The following PDCD11 variants were observed in gnomAD, a reference collection of about 807,000 sequenced individuals.
The protein encoded by PDCD11 is programmed cell death 11, also known as protein RRP5 homolog.
PDCD11 carries 97 observed loss-of-function variants against 198.9 expected under a neutral mutation model. The observed-to-expected ratio is 0.49, with a 90% CI of 0.41 to 0.58. The LOEUF (loss-of-function observed/expected upper bound fraction) is 0.58. Ranked by LOEUF, PDCD11 falls within the 20% of genes least tolerant of loss-of-function variation. The pLI is 0.00. For missense variants in PDCD11, 2,102 were observed against 2,312.7 expected, an observed-to-expected ratio of 0.91 and a Z score of 1.87; for synonymous variants, 893 against 918.0, an observed-to-expected ratio of 0.97 and a Z score of 0.49.
intron 30 of PDCD11, among the ~76,000 whole-genome samples, 182 bp downstream of exon 30, chr10:103,441,032 T>C (rs759453518): frequency 6.6e-6 from 1 of 152,162 alleles, no homozygotes; most frequent in Non-Finnish European, 1.5e-5. Context: ...GCAGGCTGCA[T>C]AAAATAAATT....
chr10:103,439,478 C>CAGGGA (rs2032287125), intron 27 of PDCD11, among the ~76,000 whole-genome samples: 2 of 152,194 alleles, frequency 1.3e-5, no homozygotes, highest in Non-Finnish European at 2.9e-5. Context: ...CCCTGCCATG[C>CAGGGA]TGTTTCTGCA....
rs2032406241 is a variant in PDCD11, at chr10:103,442,048, A to T, written c.4707+73A>T. 31 of 1,585,540 alleles carry T rather than the reference A, an allele frequency of 2.0e-5. No homozygotes were observed. The South Asian group carries it at 3.2e-4, about 16-fold the overall frequency. On this transcript the variant is annotated intron_variant, in intron 31 of 35. Transcript: ENST00000369797. ...TCAGTCTCTTGTGCTCTGTTCCTAG[A>T]CTGGGTGTCTTCCTGGGTGAGTGGG...
rs1231896341 is a variant in PDCD11 at position 103,403,121 on chromosome 10, C to T, written c.238C>T (p.Leu80=). Residue 80 remains leucine (L), a synonymous_variant, in exon 4 of 36, where the codon CTG becomes TTG. Transcript: ENST00000369797. ...EKFEILSVES[L]CEGMRILGCV... ...CATTTCACTTTTTCTCTTCTAGTCC[C>T]TGTGTGAGGGAATGCGTATTTTGGG... 8 of 1,613,932 alleles carry T rather than the reference C, an allele frequency of 5.0e-6. No homozygotes were observed. The South Asian group carries it at 7.7e-5, about 16-fold the overall frequency.
intron 25 of PDCD11, 120 bp downstream of exon 25, chr10:103,435,095 A>C: frequency 1.5e-6 from 1 of 666,916 alleles, no homozygotes; most frequent in Non-Finnish European, 2.2e-6. Flanking sequence ...GAAAATGAAA[A>C]TTTCTGTAAC....
Position 103,440,394 on chromosome 10 carries a change from AG to A in PDCD11, c.4255del (p.Glu1419ArgfsTer65). On this transcript the variant is annotated frameshift_variant, in exon 29 of 36. Transcript: ENST00000369797. LOFTEE classifies it high-confidence loss of function. ...ASLEGQLTKQ[E>X]ERKTEAEERD... is the part of the protein sequence containing the mutation. The stretch of plus-strand genomic sequence containing the variant: ...TTGGAAGGGCAACTTACAAAGCAAG[AG>A]GAGAGGAAAACAGAGGCTGAGGAGA... The A allele has an allele frequency of 3.7e-6, 6 of 1,614,268 alleles. No homozygotes were observed. Among genetic ancestry groups the A allele is most frequent in the Non-Finnish European group, 5.1e-6 (6 of 1,180,048 alleles).
At chr10:103,409,672 T>C in intron 7 of PDCD11, 27 bp from the exon 8 acceptor site, 1 of 1,563,820 alleles carries the variant, frequency 6.4e-7, no homozygotes, top group Non-Finnish European at 8.8e-7. Flanking sequence ...AGAACTTTTT[T>C]TTATAACTTG....
At chr10:103,402,873 A>G (rs955257947) in intron 3 of PDCD11, among the ~76,000 whole-genome samples, 2 of 152,088 alleles carry the variant, frequency 1.3e-5, no homozygotes, top group African/African-American at 4.8e-5. Context: ...ACCTGCGACT[A>G]CAGGCGTGTA....
Position 103,396,635 on chromosome 10 carries a change from GA to G in PDCD11, c.-105del, listed in dbSNP as rs1170695711. 4 of 152,272 alleles carry G rather than the reference GA, an allele frequency of 2.6e-5. No homozygotes were observed. The highest frequency in any genetic ancestry group is 5.9e-5 in the Non-Finnish European group (4 of 68,084). The allele number at this position is 152,272 out of a possible 1,614,324, so 9.4% of individuals were successfully genotyped here. On this transcript the variant is annotated 5_prime_UTR_variant, in exon 1 of 36. Transcript: ENST00000369797. The stretch of plus-strand genomic sequence containing the variant: ...GGTGTTGAGCCCGCCCACACTTCCG[GA>G]AGAATTGCACTGGACTGTGGGTATC...
chr10:103,397,103 T>C (rs1297116753), intron 1 of PDCD11, among the ~76,000 whole-genome samples: 2 of 152,210 alleles, frequency 1.3e-5, no homozygotes, highest in East Asian at 3.8e-4. Flanking sequence ...AAAGCCCTTG[T>C]AGAGTCTTAT....
chr10:103,414,531 C>T (rs2030993059), intron 11 of PDCD11, among the ~76,000 whole-genome samples: 1 of 151,992 alleles, frequency 6.6e-6, no homozygotes, highest in African/African-American at 2.4e-5. Context: ...CTAGCACCAC[C>T]CAGCTACACA....
intron 12 of PDCD11, among the ~76,000 whole-genome samples, chr10:103,416,232 A>T (rs1362453047): frequency 3.3e-5 from 5 of 152,200 alleles, no homozygotes; most frequent in African/African-American, 7.2e-5. Flanking sequence ...AGGTGATGTA[A>T]GATAATTAAT....
Position 103,433,822 on chromosome 10 carries a change from G to C in PDCD11, c.3475-126G>C, listed in dbSNP as rs1484674555. The C allele has an allele frequency of 5.7e-6, 4 of 703,096 alleles. No individual in the cohort carries two copies. The East Asian group carries it at 1.0e-4, about 18-fold the overall frequency. The allele number at this position is 703,096 out of a possible 1,614,324, so 43.6% of individuals were successfully genotyped here. A position where few individuals can be genotyped will look rare whatever the true frequency, so the allele number is the denominator to read the frequency against. On this transcript the variant is annotated intron_variant, in intron 22 of 35. Transcript: ENST00000369797. ...GTTGGGCAAGGGCAGTGGGATGGAA[G>C]GGTGGATTCCTGTCTCTTGGAAAAG...
rs1177051760 is a variant in PDCD11 at position 103,413,329 on chromosome 10, A to G, written c.1185+7A>G. On this transcript the variant is annotated splice_region_variant and intron_variant, in intron 9 of 35. Transcript: ENST00000369797. ...GGTTCTGGCCTATGCCCGGGTAAGG[A>G]GGCCTCTTTGTTTGGTCAGGGATCT... 1.2e-6 allele frequency: 2 copies of G among 1,612,364 alleles called. No homozygotes were observed. The highest frequency in any genetic ancestry group is 3.3e-5 in the Admixed American group (2 of 59,970).
intron 17 of PDCD11, among the ~76,000 whole-genome samples, chr10:103,422,145 G>T (rs920501126): frequency 3.3e-5 from 5 of 149,508 alleles, no homozygotes; most frequent in Non-Finnish European, 5.9e-5. Context: ...GTGGTGGTGC[G>T]ATCTTGGCCA....
chr10:103,410,677 C>T (rs1416875905), intron 8 of PDCD11, among the ~76,000 whole-genome samples: 5 of 149,556 alleles, frequency 3.3e-5, no homozygotes, highest in South Asian at 2.1e-4. Context: ...GGCGCAAACA[C>T]GGCTCACTGC....
Position 103,423,117 on chromosome 10 carries a change from C to G in PDCD11, c.2627C>G (p.Ala876Gly). ...CCAGTGCCCGACCTGGTCCTGAAAG[C>G]CAGCAGATACCATCGCGCAGGTGAG... The part of the protein sequence containing the change: ...GGPVPDLVLK[A>G]SRYHRAGQEV... The change falls in exon 18 of 36, where the codon GCC becomes GGC. Residue 876 changes from alanine to glycine, a missense_variant. Physicochemically the swap from Ala to Gly is moderately conservative, Grantham distance 60. Transcript: ENST00000369797. 2 of 1,585,314 alleles carry G rather than the reference C, an allele frequency of 1.3e-6. No individual in the cohort carries two copies. The highest frequency in any genetic ancestry group is 2.7e-5 in the African/African-American group (2 of 73,688).
chr10:103,445,612 T>C lies in PDCD11; in HGVS notation c.*63T>C, dbSNP rs2032577855. 5.6e-6 allele frequency: 8 copies of C among 1,434,624 alleles called. No individual in the cohort carries two copies. Among genetic ancestry groups the C allele is most frequent in the Non-Finnish European group, 6.7e-6 (7 of 1,037,176 alleles). The allele number at this position is 1,434,624 out of a possible 1,614,324, so 88.9% of individuals were successfully genotyped here. A position where few individuals can be genotyped will look rare whatever the true frequency, so the allele number is the denominator to read the frequency against. On this transcript the variant is annotated 3_prime_UTR_variant, in exon 36 of 36. Coordinates refer to ENST00000369797, the MANE Select transcript of PDCD11 (RefSeq NM_014976.2). ...CCAGCCCGGCCCCGCCTCGAGTGCCTGGGCACTCGGAAAACTGTTACCTCA... is the reference window on the plus strand; with the variant it reads ...CCAGCCCGGCCCCGCCTCGAGTGCCCGGGCACTCGGAAAACTGTTACCTCA...
intron 32 of PDCD11, 95 bp downstream of exon 32, chr10:103,442,555 A>G: frequency 1.4e-6 from 2 of 1,453,958 alleles, no homozygotes; most frequent in Non-Finnish European, 1.9e-6. Flanking sequence ...GCAGGCCGGC[A>G]GCATTTTGGG....
In PDCD11 at chr10:103,442,961, C is replaced by T. The variant is rs370808388; in HGVS notation, c.4956-204C>T. On this transcript the variant is annotated intron_variant, in intron 32 of 35. Coordinates refer to ENST00000369797, the MANE Select transcript of PDCD11 (RefSeq NM_014976.2). The stretch of plus-strand genomic sequence containing the variant: ...ATGGAGGCAGAATCCAGGAGAGCCT[C>T]AGACTCAGCCATTGGGGTTGGGGCA... Among the ~76,000 whole-genome samples the T allele has an allele frequency of 4.6e-5, 7 of 152,182 alleles. No homozygotes were observed. In the East Asian group the frequency reaches 1.3e-3, roughly 29 times the overall value.
Sources: allele counts gnomAD v4.1 joint callset (sites outside exome capture counted in the v4.1 genomes callset), GRCh38; gene constraint gnomAD v4.1.1; transcripts MANE v1.5; gene names NCBI Gene and HGNC (gene_info 2026-07-23, HGNC 2026-07-21).